TRHDE: variants seen among roughly 807,000 people sequenced by gnomAD.
TRHDE encodes thyrotropin-releasing hormone-degrading ectoenzyme.
TRHDE carries 72 observed loss-of-function variants against 125.7 expected under a neutral mutation model. That is an observed-to-expected ratio of 0.57 (90% CI 0.47 to 0.70). The LOEUF (loss-of-function observed/expected upper bound fraction) is 0.70. TRHDE is among the 30% of genes least tolerant of loss of function. The probability of loss-of-function intolerance (pLI) is 0.00; values close to 1 mark genes in which losing one functional copy is unlikely to be tolerated. For synonymous variants in TRHDE, 509 were observed against 509.1 expected, an observed-to-expected ratio of 1.00 and a Z score of 0.00; for missense variants, 1,110 against 1,327.1, an observed-to-expected ratio of 0.84 and a Z score of 2.54.
In TRHDE at chr12:72,273,856, C is replaced by T. The variant is rs921277834; in HGVS notation, c.914+299C>T. On this transcript the variant is annotated intron_variant, in intron 1 of 18. Transcript: ENST00000261180. This position sits in a 1 kb window ranked among gnomAD's most constrained non-coding sequence, Gnocchi z 5.3. ...GTTCCTTAGCCATCGAAACGCAGGG[C>T]TCTTTTTCTGAAGGGTAGCTGATAA... 2.7e-6 allele frequency: 1 copy of T among 364,892 alleles called. No homozygotes were observed. The highest frequency in any genetic ancestry group is 5.0e-6 in the Non-Finnish European group (1 of 200,952). The allele number at this position is 364,892 out of a possible 1,614,324, so 22.6% of individuals were successfully genotyped here.
chr12:72,479,077 T>A (rs1426021132), intron 5 of TRHDE, among the ~76,000 whole-genome samples: 1 of 152,154 alleles, frequency 6.6e-6, no homozygotes, highest in Non-Finnish European at 1.5e-5. Flanking sequence ...TCAGAATGTC[T>A]TGTTGTGGCA....
chr12:72,375,386 C>T (rs1289151388), intron 2 of TRHDE, among the ~76,000 whole-genome samples: 1 of 152,106 alleles, frequency 6.6e-6, no homozygotes, highest in East Asian at 1.9e-4. Flanking sequence ...TATGTTTTAT[C>T]TTCTTGCTTA....
chr12:72,201,613 G>A (rs115774363), intron 2 of TRHDE, among the ~76,000 whole-genome samples: 4,572 of 152,120 alleles, frequency 0.03, 124 homozygotes, highest in African/African-American at 0.067. Context: ...GATAAAACAT[G>A]CTGGGAGGGC....
At chr12:72,456,296 T>A (rs1034899737) in intron 3 of TRHDE, among the ~76,000 whole-genome samples, 3 of 151,804 alleles carry the variant, frequency 2.0e-5, no homozygotes, top group Admixed American at 1.3e-4. Context: ...AAGGGTTCCA[T>A]CCCCATCCAG....
chr12:72,332,094 G>A (rs962414565), intron 2 of TRHDE, among the ~76,000 whole-genome samples: 1 of 152,094 alleles, frequency 6.6e-6, no homozygotes, highest in Non-Finnish European at 1.5e-5. Flanking sequence ...GGCAGCCAGT[G>A]TATCCCATGG....
chr12:72,411,754 T>C (rs996516819), intron 3 of TRHDE, among the ~76,000 whole-genome samples: 21 of 152,092 alleles, frequency 1.4e-4, no homozygotes, highest in Admixed American at 6.6e-4. Context: ...TTTAAAGTTA[T>C]GTAATTATGA....
intron 2 of TRHDE, among the ~76,000 whole-genome samples, chr12:72,189,443 C>T (rs1177289742): frequency 6.6e-6 from 1 of 152,140 alleles, no homozygotes; most frequent in Non-Finnish European, 1.5e-5. Flanking sequence ...TATGCAGACT[C>T]TTGAATATTT....
intron 2 of TRHDE, among the ~76,000 whole-genome samples, chr12:72,111,991 A>C (rs898823126): frequency 2.6e-5 from 4 of 152,122 alleles, no homozygotes; most frequent in Non-Finnish European, 5.9e-5. Context: ...AAGGAGGTAT[A>C]AAGAAAAAAA....
At chr12:72,454,649 C>T (rs1015293374) in intron 3 of TRHDE, among the ~76,000 whole-genome samples, 12 of 152,260 alleles carry the variant, frequency 7.9e-5, no homozygotes, top group African/African-American at 2.9e-4. Context: ...GAAAGGACCC[C>T]ATCATGGAAG....
chr12:72,173,659 A>G (rs1293008222), intron 2 of TRHDE, among the ~76,000 whole-genome samples: 1 of 152,188 alleles, frequency 6.6e-6, no homozygotes, highest in African/African-American at 2.4e-5. Context: ...TTATTATGAA[A>G]TAATTGTAAA....
At chr12:72,349,561 G>A (rs1870489626) in intron 2 of TRHDE, among the ~76,000 whole-genome samples, 3 of 151,830 alleles carry the variant, frequency 2.0e-5, no homozygotes, top group Admixed American at 1.3e-4. Flanking sequence ...TGGGCGGGGG[G>A]GTGGTGTGGC....
intron 2 of TRHDE, among the ~76,000 whole-genome samples, chr12:72,375,956 C>T (rs763082393): frequency 6.6e-6 from 1 of 152,132 alleles, no homozygotes; most frequent in Non-Finnish European, 1.5e-5. Context: ...TTGGTATGCA[C>T]GTCTTCTAGC....
chr12:72,389,848 G>A (rs1316412418), intron 3 of TRHDE, among the ~76,000 whole-genome samples: 3 of 152,176 alleles, frequency 2.0e-5, no homozygotes, highest in Admixed American at 6.5e-5. Flanking sequence ...ATGTAGAACA[G>A]ACTATTGGGG....
At chr12:72,559,512 A>G (rs1407976755) in intron 7 of TRHDE, among the ~76,000 whole-genome samples, 1 of 152,134 alleles carries the variant, frequency 6.6e-6, no homozygotes. Flanking sequence ...TTTAACTTTT[A>G]ATCAGTCTAT....
intron 3 of TRHDE, among the ~76,000 whole-genome samples, chr12:72,467,411 T>C (rs1209600198): frequency 2.0e-5 from 3 of 152,332 alleles, no homozygotes; most frequent in Non-Finnish European, 4.4e-5. Flanking sequence ...TTCAACTATT[T>C]GCTCATATTT....
At chr12:72,504,306 T>C (rs957616497) in intron 6 of TRHDE, among the ~76,000 whole-genome samples, 2 of 115,222 alleles carry the variant, frequency 1.7e-5, no homozygotes, top group East Asian at 4.4e-4. Flanking sequence ...ACTAAGAAAA[T>C]TTTTTTTTTT....
chr12:72,314,884 A>T (rs1488107940), intron 2 of TRHDE, among the ~76,000 whole-genome samples: 2 of 152,212 alleles, frequency 1.3e-5, no homozygotes, highest in Non-Finnish European at 2.9e-5. Context: ...AAACATTTTT[A>T]AAAACACTGC....
intron 4 of TRHDE, among the ~76,000 whole-genome samples, chr12:72,470,522 A>G (rs150013334): frequency 1.3e-5 from 2 of 152,342 alleles, no homozygotes; most frequent in East Asian, 3.9e-4. Flanking sequence ...TTTTCTCACA[A>G]TGAATGGAAG....
chr12:72,620,638 G>C (rs1873014373), intron 13 of TRHDE, among the ~76,000 whole-genome samples: 1 of 152,128 alleles, frequency 6.6e-6, no homozygotes. Flanking sequence ...ACACTGAAGA[G>C]TTCTGTGTAT....
Sources: gnomAD v4.1 joint callset for allele counts (sites outside exome capture counted in the v4.1 genomes callset) on GRCh38, gnomAD v4.1.1 for gene constraint, Gnocchi (gnomAD v3.1) non-coding constraint, MANE v1.5 for transcripts, NCBI Gene and HGNC (gene_info 2026-07-23, HGNC 2026-07-21) for gene names.